Variants in RIC1 observed in about 807,000 individuals in gnomAD.
RIC1 encodes RIC1 partner of RAB6A GEF complex, also known as guanine nucleotide exchange factor subunit RIC1.
A neutral mutation model predicts 169.0 loss-of-function variants in RIC1; 88 were observed. The observed-to-expected ratio is 0.52, with a 90% CI of 0.44 to 0.62. RIC1 has a LOEUF of 0.62. RIC1 is among the 20% of genes least tolerant of loss of function. RIC1 has a pLI of 0.00. For missense variants in RIC1, 1,877 were observed against 1,725.5 expected, an observed-to-expected ratio of 1.09 and a Z score of -1.56; for synonymous variants, 790 against 601.5, an observed-to-expected ratio of 1.31 and a Z score of -4.59.
chr9:5,764,946 G>A (rs1826605657), intron 19 of RIC1: 1 of 152,820 alleles, frequency 6.5e-6, no homozygotes, highest in Non-Finnish European at 1.5e-5. Context: ...TTCTGAATGT[G>A]CAGCAGAACT....
intron 2 of RIC1, among the ~76,000 whole-genome samples, chr9:5,669,438 C>G (rs1442329591): frequency 6.6e-6 from 1 of 152,202 alleles, no homozygotes; most frequent in Non-Finnish European, 1.5e-5. Context: ...TCAATTCCAT[C>G]CAGGTTGCTG....
intron 2 of RIC1, among the ~76,000 whole-genome samples, chr9:5,681,374 G>A (rs926375124): frequency 9.9e-5 from 15 of 152,200 alleles, no homozygotes; most frequent in African/African-American, 2.4e-4. Context: ...CTTTGTTCTC[G>A]TTGGTTTCAA....
At chr9:5,718,249 A>G (rs1823388024) in intron 4 of RIC1, among the ~76,000 whole-genome samples, 1 of 151,566 alleles carries the variant, frequency 6.6e-6, no homozygotes, top group South Asian at 2.1e-4. Flanking sequence ...TATGAGTTAC[A>G]ATTTAGTTAC....
At chr9:5,635,665 A>G (rs1192280612) in intron 1 of RIC1, among the ~76,000 whole-genome samples, 2 of 152,142 alleles carry the variant, frequency 1.3e-5, no homozygotes, top group East Asian at 3.8e-4. Flanking sequence ...CGTAATCCTC[A>G]TAATCCCCAT....
In RIC1 at chr9:5,742,719, G is replaced by T; in HGVS notation, c.902-150G>T. 4 of 693,928 alleles carry T rather than the reference G, an allele frequency of 5.8e-6. No homozygotes were observed. In the South Asian group the frequency reaches 7.8e-5, roughly 13 times the overall value. The allele number at this position is 693,928 out of a possible 1,614,324, so 43.0% of individuals were successfully genotyped here. ...CTAATGGCCTTACTAACTTTAAGTA[G>T]TCCTAAATGACCAGGATTTATTTTT... On this transcript the variant is annotated intron_variant, in intron 8 of 25. Transcript: ENST00000414202.
At chr9:5,667,522 T>G (rs1819846224) in intron 2 of RIC1, among the ~76,000 whole-genome samples, 2 of 150,686 alleles carry the variant, frequency 1.3e-5, no homozygotes, top group Admixed American at 1.3e-4. Flanking sequence ...TTTTTTTTTT[T>G]GAGACAGCTT....
intron 3 of RIC1, among the ~76,000 whole-genome samples, chr9:5,703,626 G>C (rs1374293642): frequency 1.3e-5 from 2 of 152,198 alleles, no homozygotes; most frequent in Non-Finnish European, 2.9e-5. Context: ...TGTATAAATG[G>C]AATCACACAC....
chr9:5,722,348 A>AGAGAGAGTGTGTGTGT lies in RIC1; in HGVS notation c.720+1599_720+1600insAGAGAGTGTGTGTGTG, dbSNP rs374028302. Among the ~76,000 whole-genome samples the AGAGAGAGTGTGTGTGT allele has an allele frequency of 2.3e-5, 3 of 131,336 alleles. No individual in the cohort carries two copies. The South Asian group carries it at 8.0e-4, about 35-fold the overall frequency. 86.2% of individuals were successfully genotyped at this position (131,336 alleles called of 152,430 possible). ...CTTGCAAAAACTATAAGAGAGAGAG[A>AGAGAGAGTGTGTGTGT]GTGTGTGTGTGTGTGTGTGTGTGTG... On this transcript the variant is annotated intron_variant, in intron 6 of 25. Transcript: ENST00000414202.
chr9:5,671,030 C>T (rs1227496597), intron 2 of RIC1, among the ~76,000 whole-genome samples: 1 of 152,094 alleles, frequency 6.6e-6, no homozygotes, highest in African/African-American at 2.4e-5. Context: ...CTGAAAAGGC[C>T]AATCTTAGGT....
chr9:5,769,114 A>C lies in RIC1; in HGVS notation c.3282A>C (p.Leu1094=), dbSNP rs762651500. 1.9e-6 allele frequency: 3 copies of C among 1,614,130 alleles called. No individual in the cohort carries two copies. In the South Asian group the frequency reaches 3.3e-5, roughly 18 times the overall value. Residue 1094 remains leucine, a synonymous_variant, in exon 22 of 26, where the codon CTA becomes CTC. Transcript: ENST00000414202. The stretch of plus-strand genomic sequence containing the variant: ...TGGGCTTTGAACTAATTAGTTGGCT[A>C]TGCAAGGAACGTACCCGAGCCGCCC... ...AQLGFELISW[L]CKERTRAARV... is the part of the protein sequence containing the mutation.
At chr9:5,645,775 T>A (rs974289009) in intron 1 of RIC1, among the ~76,000 whole-genome samples, 3 of 152,326 alleles carry the variant, frequency 2.0e-5, no homozygotes, top group South Asian at 2.1e-4. Context: ...ATGTACATAC[T>A]GCATTTTGTT....
At chr9:5,676,276 T>C (rs1166369659) in intron 2 of RIC1, among the ~76,000 whole-genome samples, 1 of 152,232 alleles carries the variant, frequency 6.6e-6, no homozygotes, top group African/African-American at 2.4e-5. Context: ...GTTACTAATT[T>C]AATGATTCTT....
intron 3 of RIC1, among the ~76,000 whole-genome samples, chr9:5,693,503 T>A (rs888787390): frequency 6.6e-6 from 1 of 152,170 alleles, no homozygotes; most frequent in Non-Finnish European, 1.5e-5. Context: ...GGTGAATGAA[T>A]TTTCCATTTT....
chr9:5,745,428 G>A (rs1442404915), intron 10 of RIC1, among the ~76,000 whole-genome samples: 5 of 152,076 alleles, frequency 3.3e-5, no homozygotes, highest in East Asian at 1.9e-4. Flanking sequence ...CCCGAGAAAC[G>A]AGACAGCTTG....
At chr9:5,679,862 A>C (rs576719148) in intron 2 of RIC1, among the ~76,000 whole-genome samples, 1 of 152,216 alleles carries the variant, frequency 6.6e-6, no homozygotes, top group African/African-American at 2.4e-5. Context: ...CCCTGGCCAG[A>C]ACTTCCAACA....
At chr9:5,766,553 C>T (rs1160579034) in intron 21 of RIC1, among the ~76,000 whole-genome samples, 1 of 152,084 alleles carries the variant, frequency 6.6e-6, no homozygotes, top group Non-Finnish European at 1.5e-5. Flanking sequence ...TATGCCTTTG[C>T]GTCCTCATGG....
intron 22 of RIC1, chr9:5,769,601 C>T: frequency 1.9e-6 from 1 of 532,936 alleles, no homozygotes; most frequent in Non-Finnish European, 3.0e-6. Context: ...TCAAAGTAAG[C>T]TGACAGAACT....
chr9:5,749,870 C>T (rs1211891970), intron 12 of RIC1, among the ~76,000 whole-genome samples: 1 of 144,682 alleles, frequency 6.9e-6, no homozygotes, highest in Non-Finnish European at 1.5e-5. Flanking sequence ...CCTCCACCTC[C>T]AGGGTTCAAG....
chr9:5,757,398 A>G lies in RIC1; in HGVS notation c.1939A>G (p.Thr647Ala), dbSNP rs757121155. The change falls in exon 17 of 26, where the codon ACT becomes GCT. Residue 647 changes from threonine (T) to alanine (A), a missense_variant. Physicochemically the swap from Thr to Ala is moderately conservative, Grantham distance 58. Around this residue, in one of 3 missense-constraint regions of RIC1, gnomAD observed 1,104 missense variants for 992.0 expected, o/e 1.11. Coordinates refer to ENST00000414202, the MANE Select transcript of RIC1 (RefSeq NM_020829.4). ...IPHPFLVVSV[T>A]LTSVSTENGI... ...TCACCCTTTCCTGGTGGTATCTGTCACTCTGACATCAGTGAGTACAGAGAA... is the reference window on the plus strand; with the variant it reads ...TCACCCTTTCCTGGTGGTATCTGTCGCTCTGACATCAGTGAGTACAGAGAA... The G allele has an allele frequency of 6.2e-7, 1 of 1,613,914 alleles. No individual in the cohort carries two copies. Among genetic ancestry groups the G allele is most frequent in the Non-Finnish European group, 8.5e-7 (1 of 1,179,858 alleles).
Sources: allele counts gnomAD v4.1 joint callset (sites outside exome capture counted in the v4.1 genomes callset), GRCh38; gene constraint gnomAD v4.1.1; regional missense constraint gnomAD v4.1.1; transcripts MANE v1.5; gene names NCBI Gene and HGNC (gene_info 2026-07-23, HGNC 2026-07-21).